The following RNF130 variants were observed in gnomAD, a reference collection of about 807,000 sequenced individuals.
The protein encoded by RNF130 is ring finger protein 130.
Under a neutral mutation model 44.6 loss-of-function variants are expected in RNF130, and 21 were observed. The ratio of observed to expected loss-of-function variants is 0.47; its 90% CI spans 0.33 to 0.68. The LOEUF (loss-of-function observed/expected upper bound fraction) is 0.68. Ranked by LOEUF, RNF130 falls within the 30% of genes least tolerant of loss-of-function variation. The pLI, the probability that RNF130 is intolerant of heterozygous loss-of-function variation, is 0.02. For missense variants in RNF130, 479 were observed against 560.6 expected (o/e 0.85, Z 1.47); for synonymous variants, 214 against 210.4 (o/e 1.02, Z -0.15).
rs138830887 is a variant in RNF130 at position 179,949,556 on chromosome 5, T to C, written c.1150+17250A>G. Among the ~76,000 whole-genome samples, 3 of 152,212 alleles carry C rather than the reference T, an allele frequency of 2.0e-5. No individual in the cohort carries two copies. In the East Asian group the frequency reaches 5.8e-4, roughly 29 times the overall value. On this transcript the variant is annotated intron_variant, in intron 7 of 7. Transcript: ENST00000522208. The stretch of plus-strand genomic sequence containing the variant: ...AACCTGTCTCTTGCATTACAAAAGT[T>C]TGTCCAAGAAGGGTTTAAAACTCTG...
At chr5:180,068,523 C>T (rs1054202282) in intron 1 of RNF130, among the ~76,000 whole-genome samples, 19 of 152,274 alleles carry the variant, frequency 1.2e-4, no homozygotes, top group Middle Eastern at 3.4e-3. Flanking sequence ...AAGTATACTA[C>T]GTAAAGTATA....
chr5:179,988,542 A>C (rs946486992), intron 3 of RNF130, among the ~76,000 whole-genome samples: 1 of 152,232 alleles, frequency 6.6e-6, no homozygotes, highest in African/African-American at 2.4e-5. Flanking sequence ...TCATTGCTAT[A>C]AACACTTCCC....
chr5:180,066,148 T>C (rs969368658), intron 1 of RNF130, among the ~76,000 whole-genome samples: 1 of 152,214 alleles, frequency 6.6e-6, no homozygotes, highest in African/African-American at 2.4e-5. Context: ...ACTCCCATAA[T>C]TTCCACATGC....
intron 5 of RNF130, among the ~76,000 whole-genome samples, chr5:179,973,536 G>A (rs1034943585): frequency 2.6e-5 from 4 of 152,252 alleles, no homozygotes; most frequent in African/African-American, 9.6e-5. Context: ...GTCTGGAGCA[G>A]TCAATGCAAC....
downstream of RNF130, among the ~76,000 whole-genome samples, chr5:179,953,364 G>A (rs945586898): frequency 1.3e-5 from 2 of 151,182 alleles, no homozygotes; most frequent in African/African-American, 4.9e-5. Flanking sequence ...AAGGGACCCT[G>A]AATAAAGAAA....
intron 1 of RNF130, among the ~76,000 whole-genome samples, chr5:180,052,853 G>A (rs1461086350): frequency 6.6e-6 from 1 of 152,194 alleles, no homozygotes; most frequent in Non-Finnish European, 1.5e-5. Flanking sequence ...TTCTTAATCT[G>A]AGACGTCCAT....
chr5:179,928,710 G>T (rs1457272261), intron 7 of RNF130, among the ~76,000 whole-genome samples: 2 of 150,606 alleles, frequency 1.3e-5, no homozygotes, highest in South Asian at 4.2e-4. Context: ...CTCACTGCAA[G>T]CCCCGCCTCC....
At chr5:179,968,667 T>TAAAAAAA (rs35941932) in intron 6 of RNF130, among the ~76,000 whole-genome samples, 7 of 68,106 alleles carry the variant, frequency 1.0e-4, no homozygotes, top group African/African-American at 3.2e-4. Context: ...CTCTGTCTCA[T>TAAAAAAA]AAAAAAAAAA....
chr5:179,933,697 A>G, intron 7 of RNF130: 1 of 318,394 alleles, frequency 3.1e-6, no homozygotes, highest in South Asian at 2.9e-5. Flanking sequence ...AATTTTTTCT[A>G]CTTTTTGTAG....
Position 179,984,276 on chromosome 5 carries a change from C to T in RNF130, c.694-4076G>A, listed in dbSNP as rs546778083. Among the ~76,000 whole-genome samples the T allele has an allele frequency of 1.1e-4, 17 of 152,086 alleles. No homozygotes were observed. The East Asian group carries it at 2.9e-3, about 26-fold the overall frequency. ...CAATGGATGTCTTTTACGTCTTTTCCTTTTTACTTACTGTGCTGGCTAGAA... is the reference window on the plus strand; with the variant it reads ...CAATGGATGTCTTTTACGTCTTTTCTTTTTTACTTACTGTGCTGGCTAGAA... On this transcript the variant is annotated intron_variant, in intron 3 of 8. Coordinates refer to ENST00000521389, the MANE Select transcript of RNF130 (RefSeq NM_018434.6).
At chr5:179,993,616 T>C (rs1387831451) in intron 3 of RNF130, among the ~76,000 whole-genome samples, 2 of 152,266 alleles carry the variant, frequency 1.3e-5, no homozygotes, top group African/African-American at 4.8e-5. Context: ...TTGTAGATTC[T>C]GGATATTAGC....
At chr5:179,939,362 C>T (rs1343829078) in intron 7 of RNF130, 1 of 163,412 alleles carries the variant, frequency 6.1e-6, no homozygotes, top group Non-Finnish European at 1.3e-5. Flanking sequence ...TTTATCAATA[C>T]TTCAGGTACA....
At chr5:180,029,470 G>T (rs2113119936) in intron 2 of RNF130, among the ~76,000 whole-genome samples, 1 of 152,198 alleles carries the variant, frequency 6.6e-6, no homozygotes, top group African/African-American at 2.4e-5. Flanking sequence ...CAAAGAAAAA[G>T]GATAAAAGCT....
intron 3 of RNF130, among the ~76,000 whole-genome samples, chr5:179,982,497 T>C (rs988926225): frequency 6.6e-6 from 1 of 152,176 alleles, no homozygotes; most frequent in African/African-American, 2.4e-5. Context: ...TATTTTACAT[T>C]TGCAACAGCA....
intron 2 of RNF130, among the ~76,000 whole-genome samples, chr5:180,032,991 T>C (rs1400892201): frequency 6.6e-6 from 1 of 152,142 alleles, no homozygotes; most frequent in Non-Finnish European, 1.5e-5. Flanking sequence ...TTTTTTTTTT[T>C]TGAGACAGGG....
intron 2 of RNF130, among the ~76,000 whole-genome samples, chr5:180,039,357 AG>A (rs1764352514): frequency 6.6e-6 from 1 of 151,752 alleles, no homozygotes; most frequent in African/African-American, 2.4e-5. Context: ...TTCCTGTCTC[AG>A]CCTCAGTAGC....
At chr5:179,967,890 T>A (rs751127677) in intron 6 of RNF130, among the ~76,000 whole-genome samples, 4 of 152,252 alleles carry the variant, frequency 2.6e-5, no homozygotes, top group Non-Finnish European at 5.9e-5. Context: ...TCACACCCAG[T>A]TAAAAGAGGT....
Position 179,970,424 on chromosome 5 carries a change from C to A in RNF130, c.931G>T (p.Ala311Ser). 2 of 1,611,212 alleles carry A rather than the reference C, an allele frequency of 1.2e-6. No individual in the cohort carries two copies. Among genetic ancestry groups the A allele is most frequent in the Non-Finnish European group, 8.5e-7 (1 of 1,178,372 alleles). Residue 311 changes from alanine to serine, a missense_variant, in exon 6 of 9, where the codon GCC (alanine) becomes TCC (serine). Physicochemically the swap from Ala to Ser is moderately conservative, Grantham distance 99. Transcript: ENST00000521389. ...CPMCKLNILK[A>S]LGIVPNLPCT... is the part of the protein sequence containing the mutation. ...AGGAAACGTACCACAATTCCCAGGG[C>A]CTTCAATATATTAAGTTTGCACATA...
chr5:179,925,908 G>A (rs1351571898), intron 7 of RNF130, among the ~76,000 whole-genome samples: 2 of 152,212 alleles, frequency 1.3e-5, no homozygotes, highest in African/African-American at 4.8e-5. Flanking sequence ...GTGCCTCAAA[G>A]GAGGCTGCAT....
Sources: allele counts gnomAD v4.1 joint callset (sites outside exome capture counted in the v4.1 genomes callset), GRCh38; gene constraint gnomAD v4.1.1; transcripts MANE v1.5; gene names NCBI Gene and HGNC (gene_info 2026-07-23, HGNC 2026-07-21).